STAMBP: variants seen among roughly 807,000 people sequenced by gnomAD.
STAMBP encodes the protein STAM binding protein, also known as STAM-binding protein.
In STAMBP, 31 loss-of-function variants were observed where a neutral mutation model predicts 50.7. The ratio of observed to expected loss-of-function variants is 0.61; its 90% CI spans 0.46 to 0.83. STAMBP has a LOEUF of 0.83. STAMBP is among the 40% of genes least tolerant of loss of function. The pLI is 0.00. For synonymous variants in STAMBP, 211 were observed against 192.4 expected (o/e 1.10, Z -0.80); for missense variants, 472 against 518.9 (o/e 0.91, Z 0.88).
At chr2:73,853,001 C>T (rs1005757331) in intron 7 of STAMBP, among the ~76,000 whole-genome samples, 17 of 151,198 alleles carry the variant, frequency 1.1e-4, no homozygotes, top group Non-Finnish European at 1.9e-4. Flanking sequence ...AGGCTGGTCT[C>T]GAAATCCTGA....
chr2:73,837,940 G>A (rs1415370385), intron 2 of STAMBP, among the ~76,000 whole-genome samples: 1 of 152,176 alleles, frequency 6.6e-6, no homozygotes, highest in Non-Finnish European at 1.5e-5. Flanking sequence ...AGAGAATGGT[G>A]TTGTGTCATG....
Position 73,832,108 on chromosome 2 carries a change from T to TACACACACAC in STAMBP, c.203+1054_203+1055insCACACACACA, listed in dbSNP as rs1553376119. On this transcript the variant is annotated intron_variant, in intron 2 of 9. Coordinates refer to ENST00000394070, the MANE Select transcript of STAMBP (RefSeq NM_213622.4). ...ACATATATATATATATATATATATA[T>TACACACACAC]ACACATATATATGGTGCACAATTCA... Among the ~76,000 whole-genome samples the TACACACACAC allele has an allele frequency of 1.2e-3, 146 of 122,896 alleles. 2 individuals carry two copies. Among genetic ancestry groups the TACACACACAC allele is most frequent in the African/African-American group, 4.9e-3 (141 of 28,548 alleles). 80.6% of individuals were successfully genotyped at this position (122,896 alleles called of 152,430 possible). A position where few individuals can be genotyped will look rare whatever the true frequency, so the allele number is the denominator to read the frequency against.
chr2:73,872,493 T>C (rs1679239048), intron 10 of STAMBP, among the ~76,000 whole-genome samples: 1 of 152,172 alleles, frequency 6.6e-6, no homozygotes, highest in South Asian at 2.1e-4. Context: ...CAGAGCACTG[T>C]TCAAAGTACA....
At chr2:73,841,543 T>C (rs1309703841) in intron 2 of STAMBP, among the ~76,000 whole-genome samples, 2 of 152,222 alleles carry the variant, frequency 1.3e-5, no homozygotes, top group East Asian at 3.8e-4. Flanking sequence ...ACCCTTTGAA[T>C]GCAAGGACTT....
At chr2:73,854,143 G>C (rs1677235197) in intron 7 of STAMBP, among the ~76,000 whole-genome samples, 1 of 152,162 alleles carries the variant, frequency 6.6e-6, no homozygotes, top group African/African-American at 2.4e-5. Flanking sequence ...ATCTTCACAG[G>C]GGGAAAAACA....
At chr2:73,829,668 C>A (rs1192711578) in intron 1 of STAMBP, among the ~76,000 whole-genome samples, 158 bp downstream of exon 1, 1 of 152,118 alleles carries the variant, frequency 6.6e-6, no homozygotes, top group East Asian at 1.9e-4. Context: ...CCCTAGTAGT[C>A]CTCACGGCTT....
intron 9 of STAMBP, among the ~76,000 whole-genome samples, chr2:73,860,381 C>G (rs947153016): frequency 6.6e-6 from 1 of 152,168 alleles, no homozygotes; most frequent in African/African-American, 2.4e-5. Flanking sequence ...GTTCCTGGGC[C>G]TCAGTTTTCC....
Position 73,844,856 on chromosome 2 carries a change from G to C in STAMBP, c.247G>C (p.Ala83Pro). The change falls in exon 3 of 10, where the codon GCT (alanine) becomes CCT (proline). Residue 83 changes from alanine (A) to proline (P), a missense_variant. Coordinates refer to ENST00000394070, the MANE Select transcript of STAMBP (RefSeq NM_213622.4). ...ACCAAAACATCGAGATTACAAATCT[G>C]CTGTCATTCCTGAAAAGAAAGACAC... ...KLPKHRDYKS[A>P]VIPEKKDTVK... 1 of 1,613,926 alleles carries C rather than the reference G, an allele frequency of 6.2e-7. No homozygotes were observed. Among genetic ancestry groups the C allele is most frequent in the African/African-American group, 1.3e-5 (1 of 75,024 alleles).
At chr2:73,871,034 C>G (rs111553824), downstream of STAMBP, among the ~76,000 whole-genome samples, 1 of 152,062 alleles carries the variant, frequency 6.6e-6, no homozygotes, top group Admixed American at 6.6e-5. Flanking sequence ...CCTTCCAAAG[C>G]GCTGGGATTA....
At chr2:73,836,291 G>T (rs1437228579) in intron 2 of STAMBP, among the ~76,000 whole-genome samples, 4 of 152,238 alleles carry the variant, frequency 2.6e-5, no homozygotes, top group Non-Finnish European at 4.4e-5. Context: ...TGGGGGCTGG[G>T]GTGGAGGAGG....
intron 2 of STAMBP, among the ~76,000 whole-genome samples, chr2:73,843,406 G>GTGTATATATATATATATATATATA (rs1458780751): frequency 1.5e-4 from 20 of 129,932 alleles, no homozygotes; most frequent in African/African-American, 6.3e-4. Context: ...GTTTGTGTAT[G>GTGTATATATATATATATATATATA]TATATATATA....
At chr2:73,862,158 T>C in intron 9 of STAMBP, 45 bp from the exon 10 acceptor site, 2 of 1,565,616 alleles carry the variant, frequency 1.3e-6, no homozygotes. Context: ...AAAAAAGACT[T>C]TTCAGAATTT....
At chr2:73,831,659 A>G (rs2104106480) in intron 2 of STAMBP, among the ~76,000 whole-genome samples, 1 of 152,334 alleles carries the variant, frequency 6.6e-6, no homozygotes, top group East Asian at 1.9e-4. Flanking sequence ...TGACAATGAT[A>G]CATAATTTAG....
At position 73,829,463 on chromosome 2, in the gene STAMBP, C is replaced by A. The variant is rs1406091314; in HGVS notation, c.-60C>A. 1.3e-5 allele frequency: 2 copies of A among 152,236 alleles called. No homozygotes were observed. The highest frequency in any genetic ancestry group is 4.8e-5 in the African/African-American group (2 of 41,436). 9.4% of individuals were successfully genotyped at this position (152,236 alleles called of 1,614,324 possible). ...GGTGGTAACCGGCGCCGCTTCCTGG[C>A]CTTGGGAGGTGGTTCCTTTCTTAAC... is the stretch of plus-strand genomic sequence containing the variant. On this transcript the variant is annotated 5_prime_UTR_variant, in exon 1 of 10. Transcript: ENST00000394070.
chr2:73,867,128 T>TA lies in STAMBP; in HGVS notation c.*4870dup. 6.6e-6 allele frequency: 1 copy of TA among 152,264 alleles called. No homozygotes were observed. The highest frequency in any genetic ancestry group is 1.9e-4 in the East Asian group (1 of 5,204). 9.4% of individuals were successfully genotyped at this position (152,264 alleles called of 1,614,324 possible). On this transcript the variant is annotated 3_prime_UTR_variant, in exon 10 of 10. Transcript: ENST00000394070. ...CTGAGTCCCCTGACATGGAATAAGA[T>TA]ATGAATAAATGCACAGACTTGTCCA...
chr2:73,836,132 T>G (rs962293776), intron 2 of STAMBP, among the ~76,000 whole-genome samples: 25 of 152,398 alleles, frequency 1.6e-4, no homozygotes, highest in African/African-American at 5.3e-4. Flanking sequence ...TTTACATGAT[T>G]GCTACATACA....
At chr2:73,861,875 C>T (rs991848819) in intron 9 of STAMBP, among the ~76,000 whole-genome samples, 3 of 152,120 alleles carry the variant, frequency 2.0e-5, no homozygotes, top group South Asian at 2.1e-4. Context: ...CGGTGGCTCA[C>T]GCCTATAATC....
intron 2 of STAMBP, among the ~76,000 whole-genome samples, chr2:73,843,064 A>G (rs141808242): frequency 1.1e-4 from 16 of 152,310 alleles, no homozygotes; most frequent in Admixed American, 7.2e-4. Context: ...TGAATCATCT[A>G]TCAGTCTCTA....
chr2:73,859,379 G>T lies in STAMBP; in HGVS notation c.1118+13G>T. On this transcript the variant is annotated intron_variant, in intron 8 of 9. Coordinates refer to ENST00000394070, the MANE Select transcript of STAMBP (RefSeq NM_213622.4). ...CCAAGTTCCAGGAGTGAGTATAGAG[G>T]GCATGGTTCTGGGTGTTTCAAGGGG... is the stretch of plus-strand genomic sequence containing the variant. 6.2e-7 allele frequency: 1 copy of T among 1,606,464 alleles called. No individual in the cohort carries two copies. The highest frequency in any genetic ancestry group is 8.5e-7 in the Non-Finnish European group (1 of 1,173,056).
Sources: gnomAD v4.1 joint callset for allele counts (sites outside exome capture counted in the v4.1 genomes callset) on GRCh38, gnomAD v4.1.1 for gene constraint, MANE v1.5 for transcripts, NCBI Gene and HGNC (gene_info 2026-07-23, HGNC 2026-07-21) for gene names.